NCAM1: variants seen among roughly 807,000 people sequenced by gnomAD.
The protein encoded by NCAM1 is antigen recognized by monoclonal antibody 5.1H11.
NCAM1 carries 14 observed loss-of-function variants against 109.8 expected under a neutral mutation model. The observed-to-expected ratio is 0.13, with a 90% confidence interval of 0.08 to 0.20. The LOEUF is 0.20. Ranked by LOEUF, NCAM1 falls within the 10% of genes least tolerant of loss-of-function variation. The probability of loss-of-function intolerance (pLI) is 1.00; values close to 1 mark genes in which losing one functional copy is unlikely to be tolerated. For synonymous variants in NCAM1, 418 were observed against 442.9 expected (o/e 0.94, Z 0.70); for missense variants, 774 against 1,109.9 (o/e 0.70, Z 4.30).
At chr11:113,257,812 G>T (rs1945870131) in intron 16 of NCAM1, among the ~76,000 whole-genome samples, 1 of 152,254 alleles carries the variant, frequency 6.6e-6, no homozygotes, top group Admixed American at 6.5e-5. Context: ...ACAGAGAAAT[G>T]AAGAGGAAAG....
intron 1 of NCAM1, among the ~76,000 whole-genome samples, chr11:113,087,491 T>A (rs143474723): frequency 2.0e-5 from 3 of 152,368 alleles, no homozygotes; most frequent in Middle Eastern, 3.4e-3. Flanking sequence ...TCATAGTTGC[T>A]ACAGATCTTC....
intron 17 of NCAM1, among the ~76,000 whole-genome samples, chr11:113,262,242 C>T (rs1946026421): frequency 6.6e-6 from 1 of 152,168 alleles, no homozygotes; most frequent in African/African-American, 2.4e-5. Flanking sequence ...GGACTTGTGC[C>T]ATAGGAAGAA....
At chr11:113,037,921 G>T (rs971138864) in intron 1 of NCAM1, among the ~76,000 whole-genome samples, 27 of 152,124 alleles carry the variant, frequency 1.8e-4, no homozygotes, top group African/African-American at 5.6e-4. Flanking sequence ...CTTCGAGTGT[G>T]TGGGAATTTT....
chr11:113,011,312 A>G (rs1247861892), intron 1 of NCAM1, among the ~76,000 whole-genome samples: 1 of 149,138 alleles, frequency 6.7e-6, no homozygotes, highest in Non-Finnish European at 1.5e-5. Flanking sequence ...TTATGGCTGC[A>G]TAGTATTCCA....
intron 14 of NCAM1, chr11:113,242,880 C>A (rs1945375234): frequency 6.2e-7 from 1 of 1,613,698 alleles, no homozygotes; most frequent in East Asian, 2.2e-5. Flanking sequence ...TCGGCCAGAC[C>A]TCTGATCGCT....
chr11:113,074,207 G>A (rs1196274820), intron 1 of NCAM1, among the ~76,000 whole-genome samples: 3 of 152,194 alleles, frequency 2.0e-5, no homozygotes, highest in South Asian at 2.1e-4. Context: ...AGGGCATGTC[G>A]TGGAGCAATT....
At chr11:112,995,533 A>C (rs1039723169) in intron 1 of NCAM1, among the ~76,000 whole-genome samples, 6 of 152,174 alleles carry the variant, frequency 3.9e-5, no homozygotes, top group African/African-American at 1.2e-4. Flanking sequence ...GTTTTTGTTG[A>C]TATTATGTAG....
At chr11:113,134,095 A>G (rs1300224363) in intron 1 of NCAM1, 1 of 152,122 alleles carries the variant, frequency 6.6e-6, no homozygotes, top group Non-Finnish European at 1.5e-5. Context: ...GAAGTTTTTC[A>G]TCTTGTAAAA....
chr11:113,039,393 T>G (rs1245753758), intron 1 of NCAM1, among the ~76,000 whole-genome samples: 2 of 152,234 alleles, frequency 1.3e-5, no homozygotes, highest in Non-Finnish European at 2.9e-5. Context: ...TCACCAAAAT[T>G]TATTGCTCCC....
At chr11:113,257,026 C>G (rs1443238928) in intron 16 of NCAM1, among the ~76,000 whole-genome samples, 1 of 152,184 alleles carries the variant, frequency 6.6e-6, no homozygotes, top group Non-Finnish European at 1.5e-5. Flanking sequence ...CAGCACAGAG[C>G]CCCGCAGGCA....
chr11:113,137,767 A>G (rs184474629), intron 1 of NCAM1, among the ~76,000 whole-genome samples: 49 of 152,364 alleles, frequency 3.2e-4, no homozygotes, highest in African/African-American at 1.1e-3. Context: ...TCTTCAGGAT[A>G]AAGGTTGTTT....
chr11:113,033,185 G>A (rs1285390784), intron 1 of NCAM1, among the ~76,000 whole-genome samples: 12 of 152,176 alleles, frequency 7.9e-5, no homozygotes, highest in Non-Finnish European at 7.3e-5. Flanking sequence ...GGTGAGCTGC[G>A]CATCTGAAAT....
intron 15 of NCAM1, among the ~76,000 whole-genome samples, chr11:113,254,324 C>G (rs1185347684): frequency 6.6e-6 from 1 of 152,158 alleles, no homozygotes; most frequent in African/African-American, 2.4e-5. Flanking sequence ...AATTATTGAT[C>G]TAAGAAAACA....
intron 1 of NCAM1, among the ~76,000 whole-genome samples, chr11:113,009,314 T>TTTTTTGTTGTTG (rs1478973109): frequency 0.081 from 7,576 of 93,116 alleles, 922 homozygotes; most frequent in South Asian, 0.33. Context: ...TTTTTCGGGT[T>TTTTTTGTTGTTG]TTTTTTTTTT....
intron 17 of NCAM1, chr11:113,262,902 G>A (rs782769356): frequency 1.2e-6 from 2 of 1,613,740 alleles, no homozygotes; most frequent in African/African-American, 2.7e-5. Context: ...TTTCTCTGCA[G>A]TGACTCTTCT....
intron 1 of NCAM1, among the ~76,000 whole-genome samples, chr11:113,197,917 G>T (rs2574824): frequency 0.35 from 53,789 of 152,012 alleles, 10,096 homozygotes; most frequent in African/African-American, 0.47. Context: ...TTCTTCAGCA[G>T]CTAAGACTTT....
intron 3 of NCAM1, among the ~76,000 whole-genome samples, chr11:113,205,315 C>A (rs1555112668): frequency 6.6e-6 from 1 of 152,154 alleles, no homozygotes; most frequent in Non-Finnish European, 1.5e-5. Flanking sequence ...ATTTAGCACT[C>A]AATGAGCAGA....
intron 1 of NCAM1, among the ~76,000 whole-genome samples, chr11:113,074,681 G>A (rs1449918000): frequency 7.9e-5 from 12 of 151,958 alleles, no homozygotes; most frequent in Non-Finnish European, 1.5e-5. Context: ...ACCGAGGTTG[G>A]AGTGCAGAGG....
intron 1 of NCAM1, among the ~76,000 whole-genome samples, chr11:113,046,881 GGA>G (rs1200154211): frequency 2.0e-5 from 3 of 149,950 alleles, no homozygotes; most frequent in Non-Finnish European, 4.4e-5. Context: ...AGGAAGGAAG[GGA>G]AAGGAAGAAA....
Sources: gnomAD v4.1 joint callset for allele counts (sites outside exome capture counted in the v4.1 genomes callset) on GRCh38, gnomAD v4.1.1 for gene constraint, MANE v1.5 for transcripts, NCBI Gene and HGNC (gene_info 2026-07-23, HGNC 2026-07-21) for gene names.